Variants in PCDH17 observed in about 807,000 individuals in gnomAD.
PCDH17 encodes the protein protocadherin-17.
Under a neutral mutation model 67.7 loss-of-function variants are expected in PCDH17, and 21 were observed. The ratio of observed to expected loss-of-function variants is 0.31; its 90% CI spans 0.22 to 0.45. The LOEUF is 0.45. Among genes scored for constraint, PCDH17 ranks in the 20% least tolerant of loss-of-function variants. PCDH17 has a pLI of 1.00. For synonymous variants in PCDH17, 701 were observed against 656.7 expected (o/e 1.07, Z -1.03); for missense variants, 1,471 against 1,564.8 (o/e 0.94, Z 1.01).
chr13:57,702,426 G>T (rs1955675867), intron 3 of PCDH17, among the ~76,000 whole-genome samples: 1 of 151,892 alleles, frequency 6.6e-6, no homozygotes, highest in African/African-American at 2.4e-5. Context: ...AGCCCTGTGA[G>T]GATATCCCCA....
At position 57,632,958 on chromosome 13, in the gene PCDH17, G is replaced by C. The variant is rs747258103; in HGVS notation, c.412G>C (p.Glu138Gln). The change falls in exon 1 of 4, where the codon GAA (glutamate) becomes CAA (glutamine). Residue 138 changes from glutamate (E) to glutamine (Q), a missense_variant. Physicochemically the swap from Glu to Gln is conservative, Grantham distance 29. This residue lies in a region of PCDH17 where 1,163 missense variants were observed against 1,230.0 expected (regional missense o/e 0.95). Coordinates refer to ENST00000377918, the MANE Select transcript of PCDH17 (RefSeq NM_001040429.3). ...NAPSFSSDQI[E>Q]MDISENAAPG... Reference sequence around the variant, plus strand: ...GCCCTCCTTCTCCTCGGACCAGATCGAAATGGACATCTCGGAGAACGCTGC... The same window carrying C: ...GCCCTCCTTCTCCTCGGACCAGATCCAAATGGACATCTCGGAGAACGCTGC... 5.4e-5 allele frequency: 87 copies of C among 1,613,704 alleles called. No individual in the cohort carries two copies. Among genetic ancestry groups the C allele is most frequent in the Non-Finnish European group, 6.9e-5 (81 of 1,180,010 alleles).
chr13:57,672,806 C>T (rs1166587809), intron 3 of PCDH17, among the ~76,000 whole-genome samples: 1 of 151,948 alleles, frequency 6.6e-6, no homozygotes, highest in Non-Finnish European at 1.5e-5. Flanking sequence ...CTTCCCATAA[C>T]AGACAACAGC....
At position 57,634,974 on chromosome 13, in the gene PCDH17, C is replaced by G. The variant is rs147572809; in HGVS notation, c.2428C>G (p.Arg810Gly). ...YQTRLPLSSP[R>G]SEVMYLKPAS... ...GACCCGCCTGCCCCTCAGCTCGCCC[C>G]GGTCGGAGGTGATGTATCTCAAACC... The change falls in exon 1 of 4, where the codon CGG becomes GGG. Residue 810 changes from arginine to glycine, a missense_variant. This residue lies in a region of PCDH17 where 1,163 missense variants were observed against 1,230.0 expected (regional missense o/e 0.95). Transcript: ENST00000377918. The surrounding 1 kb of genome is among the most constrained non-coding windows in gnomAD (Gnocchi z 7.8). 53 of 1,613,792 alleles carry G rather than the reference C, an allele frequency of 3.3e-5. No homozygotes were observed. The highest frequency in any genetic ancestry group is 4.2e-5 in the Non-Finnish European group (50 of 1,180,020).
intron 3 of PCDH17, among the ~76,000 whole-genome samples, chr13:57,670,132 C>T (rs1017275471): frequency 6.6e-6 from 1 of 151,860 alleles, no homozygotes; most frequent in Non-Finnish European, 1.5e-5. Context: ...CCCTTTCAAA[C>T]AATGTTTTAT....
At chr13:57,711,635 C>A (rs1433496294) in intron 3 of PCDH17, among the ~76,000 whole-genome samples, 1 of 151,560 alleles carries the variant, frequency 6.6e-6, no homozygotes, top group African/African-American at 2.4e-5. Context: ...CTAATATTTT[C>A]TATTGAATAT....
intron 3 of PCDH17, among the ~76,000 whole-genome samples, chr13:57,704,471 A>G (rs1008937569): frequency 6.6e-6 from 1 of 151,856 alleles, no homozygotes; most frequent in South Asian, 2.1e-4. Flanking sequence ...TTTCTGAGTC[A>G]TCATAATGAT....
intron 3 of PCDH17, among the ~76,000 whole-genome samples, chr13:57,668,946 C>T (rs193064213): frequency 8.6e-4 from 131 of 152,138 alleles, no homozygotes; most frequent in Admixed American, 7.2e-4. Context: ...TACCCATTAA[C>T]TCGTCATTTA....
At chr13:57,706,612 T>C (rs1955723887) in intron 3 of PCDH17, among the ~76,000 whole-genome samples, 1 of 152,176 alleles carries the variant, frequency 6.6e-6, no homozygotes, top group African/African-American at 2.4e-5. Context: ...TTATTCTTCA[T>C]TTCATCCCAT....
chr13:57,638,494 A>T (rs984614391), intron 1 of PCDH17, among the ~76,000 whole-genome samples: 1 of 152,030 alleles, frequency 6.6e-6, no homozygotes, highest in African/African-American at 2.4e-5. Flanking sequence ...ATATGCTCTC[A>T]TAGAAGGAAA....
At chr13:57,651,562 T>A (rs1280792997) in intron 1 of PCDH17, among the ~76,000 whole-genome samples, 3 of 151,930 alleles carry the variant, frequency 2.0e-5, no homozygotes. Flanking sequence ...GGTCTCAAAC[T>A]CCAGGTCTCA....
intron 3 of PCDH17, among the ~76,000 whole-genome samples, chr13:57,694,507 A>G (rs1955588716): frequency 6.6e-6 from 1 of 151,194 alleles, no homozygotes; most frequent in African/African-American, 2.4e-5. Flanking sequence ...AGTATTAGGG[A>G]ACATTCTTTA....
chr13:57,650,253 T>TGTGC (rs893915009), intron 1 of PCDH17, among the ~76,000 whole-genome samples: 6 of 151,588 alleles, frequency 4.0e-5, no homozygotes, highest in African/African-American at 1.5e-4. Context: ...TGTGTGTGTG[T>TGTGC]GTGTGTGTAA....
At chr13:57,697,627 T>C (rs1955623290) in intron 3 of PCDH17, among the ~76,000 whole-genome samples, 1 of 151,864 alleles carries the variant, frequency 6.6e-6, no homozygotes, top group Non-Finnish European at 1.5e-5. Context: ...TAAGAATGAC[T>C]GTCATTATAT....
chr13:57,674,459 A>G (rs942290390), intron 3 of PCDH17, among the ~76,000 whole-genome samples: 1 of 151,676 alleles, frequency 6.6e-6, no homozygotes, highest in Non-Finnish European at 1.5e-5. Context: ...TCAAAGTAGG[A>G]CTACAGACAC....
At chr13:57,684,870 C>T (rs1471881458) in intron 3 of PCDH17, among the ~76,000 whole-genome samples, 1 of 151,852 alleles carries the variant, frequency 6.6e-6, no homozygotes, top group African/African-American at 2.4e-5. Context: ...TGTATTAGTG[C>T]CATCAATGTT....
intron 3 of PCDH17, among the ~76,000 whole-genome samples, chr13:57,682,559 A>G (rs555351076): frequency 6.7e-4 from 102 of 151,806 alleles, no homozygotes; most frequent in Non-Finnish European, 1.2e-3. Flanking sequence ...CCAGCCATTG[A>G]GGCATTTTCT....
intron 3 of PCDH17, among the ~76,000 whole-genome samples, chr13:57,720,260 C>T (rs187184960): frequency 9.9e-5 from 15 of 151,924 alleles, no homozygotes; most frequent in Admixed American, 2.6e-4. Context: ...ATGCAGATTT[C>T]GGGTATCTTT....
chr13:57,635,608 A>G (rs760627094), intron 1 of PCDH17, among the ~76,000 whole-genome samples: 3 of 152,216 alleles, frequency 2.0e-5, no homozygotes, highest in Non-Finnish European at 4.4e-5. Context: ...AGTTCATTCA[A>G]TTTGAACTAA....
chr13:57,699,411 G>A (rs1297895309), intron 3 of PCDH17, among the ~76,000 whole-genome samples: 1 of 151,968 alleles, frequency 6.6e-6, no homozygotes. Flanking sequence ...ACTCAAGTGA[G>A]CGGCACCAGA....
Sources: allele counts gnomAD v4.1 joint callset (sites outside exome capture counted in the v4.1 genomes callset), GRCh38; gene constraint gnomAD v4.1.1; regional missense constraint gnomAD v4.1.1; non-coding constraint Gnocchi (gnomAD v3.1); transcripts MANE v1.5; gene names NCBI Gene and HGNC (gene_info 2026-07-23, HGNC 2026-07-21).